The following GPC6 variants were observed in gnomAD, a reference collection of about 807,000 sequenced individuals.
GPC6 encodes glypican 6.
Under a neutral mutation model 55.2 loss-of-function variants are expected in GPC6, and 14 were observed. That is an observed-to-expected ratio of 0.25 (90% CI 0.17 to 0.40). The LOEUF (loss-of-function observed/expected upper bound fraction) is 0.40. Among genes scored for constraint, GPC6 ranks in the 10% least tolerant of loss-of-function variants. GPC6 has a pLI of 1.00. For synonymous variants in GPC6, 278 were observed against 259.6 expected, an observed-to-expected ratio of 1.07 and a Z score of -0.68; for missense variants, 641 against 708.5, an observed-to-expected ratio of 0.90 and a Z score of 1.08.
intron 3 of GPC6, among the ~76,000 whole-genome samples, chr13:93,915,378 G>A (rs1360584809): frequency 1.3e-5 from 2 of 152,178 alleles, no homozygotes; most frequent in African/African-American, 4.8e-5. Flanking sequence ...TGAAGGCCAT[G>A]ATAGGTACTC....
intron 8 of GPC6, among the ~76,000 whole-genome samples, chr13:94,401,741 T>C (rs1022166569): frequency 5.9e-5 from 9 of 152,168 alleles, no homozygotes; most frequent in African/African-American, 1.9e-4. Flanking sequence ...TGTCATAAAA[T>C]ATTCTTCACT....
At position 93,599,836 on chromosome 13, in the gene GPC6, A is replaced by G. The variant is rs112075020; in HGVS notation, c.319+54415A>G. Among the ~76,000 whole-genome samples, 1,459 of 152,332 alleles carry G rather than the reference A, an allele frequency of 9.6e-3. 26 individuals carry two copies. The highest frequency in any genetic ancestry group is 0.033 in the African/African-American group (1,382 of 41,572). ...TTTAAAAAATAATCCTCATAGGAGT[A>G]TAAACAGAGGAAGGAGAAATGGAGG... On this transcript the variant is annotated intron_variant, in intron 2 of 8. Coordinates refer to ENST00000377047, the MANE Select transcript of GPC6 (RefSeq NM_005708.5).
chr13:93,931,246 A>G (rs1878155556), intron 3 of GPC6, among the ~76,000 whole-genome samples: 1 of 152,076 alleles, frequency 6.6e-6, no homozygotes, highest in Non-Finnish European at 1.5e-5. Context: ...TGAAGGTGGG[A>G]GACTGGTGAT....
intron 1 of GPC6, among the ~76,000 whole-genome samples, chr13:93,282,179 T>C (rs532029630): frequency 2.0e-5 from 3 of 152,340 alleles, no homozygotes; most frequent in African/African-American, 7.2e-5. Context: ...TTGAAGTGAA[T>C]ATTTTTACAT....
At chr13:94,385,239 CA>C (rs35550666) in intron 7 of GPC6, among the ~76,000 whole-genome samples, 12,016 of 125,822 alleles carry the variant, frequency 0.096, 568 homozygotes, top group East Asian at 0.3. Context: ...GACTCCATCT[CA>C]AAAAAAAAAA....
chr13:94,274,351 C>T (rs950449785), intron 4 of GPC6, among the ~76,000 whole-genome samples: 1 of 152,190 alleles, frequency 6.6e-6, no homozygotes, highest in Admixed American at 6.5e-5. Flanking sequence ...TCATTAAATT[C>T]TCTTTTATTT....
intron 1 of GPC6, among the ~76,000 whole-genome samples, chr13:93,523,418 T>C (rs1318140936): frequency 6.7e-6 from 1 of 149,672 alleles, no homozygotes; most frequent in Non-Finnish European, 1.5e-5. Context: ...AATATTATCC[T>C]TACAGTTGGT....
chr13:93,534,359 AGTCT>A (rs1881974206), intron 1 of GPC6, among the ~76,000 whole-genome samples: 1 of 152,160 alleles, frequency 6.6e-6, no homozygotes, highest in South Asian at 2.1e-4. Context: ...AGTTGGCTGA[AGTCT>A]GTGAAATGTG....
intron 1 of GPC6, among the ~76,000 whole-genome samples, chr13:93,537,912 A>T (rs1882123648): frequency 6.6e-6 from 1 of 152,192 alleles, no homozygotes; most frequent in South Asian, 2.1e-4. Flanking sequence ...AAAATAAAGA[A>T]CTGAAAATAT....
chr13:93,893,970 T>G (rs1026250497), intron 3 of GPC6, among the ~76,000 whole-genome samples: 1 of 152,200 alleles, frequency 6.6e-6, no homozygotes, highest in Non-Finnish European at 1.5e-5. Context: ...GCAGCTCATG[T>G]AAATATCAGA....
At chr13:93,739,609 C>A (rs1240879499) in intron 2 of GPC6, among the ~76,000 whole-genome samples, 2 of 151,746 alleles carry the variant, frequency 1.3e-5, no homozygotes, top group Non-Finnish European at 2.9e-5. Flanking sequence ...TTTTGTATTT[C>A]TAGTAGAGAC....
intron 1 of GPC6, among the ~76,000 whole-genome samples, chr13:93,401,856 AGTAGGTTTTTTC>A (rs915113008): frequency 1.4e-3 from 218 of 152,126 alleles, no homozygotes; most frequent in African/African-American, 5.1e-3. Flanking sequence ...AGTCAGATAG[AGTAGGTTTTTTC>A]CTTATTTTGC....
intron 1 of GPC6, among the ~76,000 whole-genome samples, chr13:93,308,057 G>A (rs1226308391): frequency 6.6e-6 from 1 of 152,146 alleles, no homozygotes; most frequent in East Asian, 1.9e-4. Flanking sequence ...GGCCGAGGTG[G>A]GCGGATCACG....
intron 4 of GPC6, among the ~76,000 whole-genome samples, chr13:94,155,902 G>A (rs553972480): frequency 7.2e-4 from 109 of 152,232 alleles, no homozygotes; most frequent in African/African-American, 2.6e-3. Flanking sequence ...AAAGAGGCAA[G>A]GGAGGGATCC....
chr13:93,473,838 C>G (rs1351448223), intron 1 of GPC6, among the ~76,000 whole-genome samples: 2 of 152,156 alleles, frequency 1.3e-5, no homozygotes, highest in African/African-American at 4.8e-5. Context: ...GGGCCGAATC[C>G]CAAGCCATGG....
chr13:93,494,754 A>G (rs1880185177), intron 1 of GPC6, among the ~76,000 whole-genome samples: 2 of 150,378 alleles, frequency 1.3e-5, no homozygotes, highest in African/African-American at 2.4e-5. Flanking sequence ...GCTTGTGTGT[A>G]AAGTATTTTA....
intron 5 of GPC6, 83 bp downstream of exon 5, chr13:94,286,562 G>T (rs1222147797): frequency 2.5e-6 from 3 of 1,215,770 alleles, no homozygotes; most frequent in Non-Finnish European, 2.4e-6. Flanking sequence ...TAGATATGTC[G>T]GCTGGGCTTA....
chr13:93,870,215 A>G (rs748582291), intron 3 of GPC6, among the ~76,000 whole-genome samples: 5 of 151,808 alleles, frequency 3.3e-5, no homozygotes, highest in Non-Finnish European at 7.4e-5. Context: ...TTATTGTTAC[A>G]TTGTTGTAAG....
At chr13:93,288,720 A>G (rs890017754) in intron 1 of GPC6, among the ~76,000 whole-genome samples, 4 of 152,224 alleles carry the variant, frequency 2.6e-5, no homozygotes, top group Non-Finnish European at 5.9e-5. Flanking sequence ...ATTTTAATTA[A>G]TATGTATTCA....
Sources: gnomAD v4.1 joint callset for allele counts (sites outside exome capture counted in the v4.1 genomes callset) on GRCh38, gnomAD v4.1.1 for gene constraint, MANE v1.5 for transcripts, NCBI Gene and HGNC (gene_info 2026-07-23, HGNC 2026-07-21) for gene names.